The following NTM variants were observed in gnomAD, a reference collection of about 807,000 sequenced individuals.
NTM encodes neurotrimin, also known as IgLON family member 2.
In NTM, 13 loss-of-function variants were observed where a neutral mutation model predicts 42.1. The ratio of observed to expected loss-of-function variants is 0.31; its 90% CI spans 0.20 to 0.49. NTM has a LOEUF of 0.49. Ranked by LOEUF, NTM falls within the 20% of genes least tolerant of loss-of-function variation. The probability of loss-of-function intolerance (pLI) is 0.99; values close to 1 mark genes in which losing one functional copy is unlikely to be tolerated. For synonymous variants in NTM, 187 were observed against 179.2 expected (o/e 1.04, Z -0.35); for missense variants, 373 against 452.8 (o/e 0.82, Z 1.60).
intron 1 of NTM, among the ~76,000 whole-genome samples, chr11:131,515,269 C>A (rs990311753): frequency 2.0e-5 from 3 of 152,066 alleles, no homozygotes; most frequent in Non-Finnish European, 2.9e-5. Context: ...TTGGCCTCAC[C>A]CACAGTGTTT....
chr11:132,081,588 C>T lies in NTM; in HGVS notation c.168-64694C>T, dbSNP rs947891608. On this transcript the variant is annotated intron_variant, in intron 2 of 8. Transcript: ENST00000683400. Reference sequence around the variant, plus strand: ...TCTACTAAAAATACAAAAAATTAGCCGGACGTGGTGGCGGGCACCTGTAGT... The same window carrying T: ...TCTACTAAAAATACAAAAAATTAGCTGGACGTGGTGGCGGGCACCTGTAGT... Among the ~76,000 whole-genome samples the T allele has an allele frequency of 1.4e-4, 22 of 151,972 alleles. 1 individual carries two copies. The highest frequency in any genetic ancestry group is 8.3e-4 in the South Asian group (4 of 4,810).
At chr11:132,176,581 A>G (rs1186190880) in intron 3 of NTM, among the ~76,000 whole-genome samples, 1 of 152,080 alleles carries the variant, frequency 6.6e-6, no homozygotes, top group Non-Finnish European at 1.5e-5. Flanking sequence ...TTTTCTGTAC[A>G]TTTCTCAATA....
chr11:131,868,202 G>GA, intron 1 of NTM, among the ~76,000 whole-genome samples: 1 of 152,096 alleles, frequency 6.6e-6, no homozygotes, highest in Non-Finnish European at 1.5e-5. Flanking sequence ...TTACAGATGA[G>GA]AAAAAAAGGA....
chr11:132,137,747 A>G (rs2068225970), intron 2 of NTM, among the ~76,000 whole-genome samples: 1 of 152,098 alleles, frequency 6.6e-6, no homozygotes, highest in South Asian at 2.1e-4. Context: ...GGAGGGATAT[A>G]GACAGCTGGT....
intron 1 of NTM, among the ~76,000 whole-genome samples, chr11:131,465,223 G>A (rs910676124): frequency 6.6e-6 from 1 of 152,206 alleles, no homozygotes; most frequent in African/African-American, 2.4e-5. Flanking sequence ...GTGGCGAGGT[G>A]GAGCTGCTTA....
chr11:132,254,997 A>G (rs1240913830), intron 4 of NTM, among the ~76,000 whole-genome samples: 3 of 152,326 alleles, frequency 2.0e-5, no homozygotes, highest in Non-Finnish European at 4.4e-5. Context: ...TTCCCCTGGG[A>G]GGCAACATCT....
chr11:131,844,752 T>C (rs2044708216), intron 1 of NTM, among the ~76,000 whole-genome samples: 1 of 152,204 alleles, frequency 6.6e-6, no homozygotes, highest in Non-Finnish European at 1.5e-5. Flanking sequence ...CTCTTTTAAT[T>C]AATCTTTGTT....
At chr11:132,294,078 A>G (rs1401051473) in intron 4 of NTM, among the ~76,000 whole-genome samples, 1 of 152,176 alleles carries the variant, frequency 6.6e-6, no homozygotes, top group Admixed American at 6.5e-5. Flanking sequence ...CAGGCATCAT[A>G]GGAAAGCATG....
chr11:131,780,437 A>C lies in NTM; in HGVS notation c.83-131127A>C, dbSNP rs755337136. 2.6e-5 allele frequency among the ~76,000 whole-genome samples: 4 copies of C among 152,086 alleles called. No homozygotes were observed. The East Asian group carries it at 7.8e-4, about 30-fold the overall frequency. ...CAAATGTAGGAGTTTTATTTTGGAC[A>C]TGTGGAGTTTGAGATGCCTGTAGGA... is the stretch of plus-strand genomic sequence containing the variant. On this transcript the variant is annotated intron_variant, in intron 1 of 8. Transcript: ENST00000683400.
At chr11:132,285,358 T>C (rs2094186484) in intron 4 of NTM, among the ~76,000 whole-genome samples, 2 of 152,182 alleles carry the variant, frequency 1.3e-5, no homozygotes, top group South Asian at 2.1e-4. Flanking sequence ...CTCTCTCTTC[T>C]CACCTTTTTG....
intron 1 of NTM, among the ~76,000 whole-genome samples, chr11:131,462,870 C>T (rs937022997): frequency 1.1e-4 from 17 of 152,026 alleles, no homozygotes; most frequent in African/African-American, 3.9e-4. Flanking sequence ...TAGGGTGGTC[C>T]ACCATGGCTT....
chr11:131,733,720 G>C (rs543872030), intron 1 of NTM, among the ~76,000 whole-genome samples: 1 of 152,148 alleles, frequency 6.6e-6, no homozygotes, highest in African/African-American at 2.4e-5. Flanking sequence ...ATCTTTAGTA[G>C]AGATGGGGGG....
At chr11:132,173,905 C>A (rs1258714697) in intron 3 of NTM, among the ~76,000 whole-genome samples, 1 of 152,178 alleles carries the variant, frequency 6.6e-6, no homozygotes, top group Non-Finnish European at 1.5e-5. Context: ...CTGTCTCCAG[C>A]CTCCCACTTT....
intron 2 of NTM, among the ~76,000 whole-genome samples, chr11:132,070,686 C>T (rs1172673374): frequency 3.5e-5 from 5 of 143,042 alleles, no homozygotes; most frequent in Non-Finnish European, 7.7e-5. Context: ...CAAGTTAACA[C>T]GTCAAACTGA....
At chr11:131,907,327 C>CAGTG (rs1446249480) in intron 1 of NTM, among the ~76,000 whole-genome samples, 1 of 152,234 alleles carries the variant, frequency 6.6e-6, no homozygotes, top group Non-Finnish European at 1.5e-5. Flanking sequence ...AGCCCTGCTT[C>CAGTG]AGTGTACAGA....
chr11:131,834,726 A>T (rs536355328), intron 1 of NTM, among the ~76,000 whole-genome samples: 1 of 151,442 alleles, frequency 6.6e-6, no homozygotes, highest in Non-Finnish European at 1.5e-5. Flanking sequence ...GCACAGAGGG[A>T]TTATGTCACT....
intron 1 of NTM, among the ~76,000 whole-genome samples, chr11:131,808,045 G>A (rs933917187): frequency 2.6e-5 from 4 of 152,180 alleles, no homozygotes; most frequent in Admixed American, 6.5e-5. Flanking sequence ...AAGGTTCAGC[G>A]GTAATGATTC....
intron 1 of NTM, among the ~76,000 whole-genome samples, chr11:131,665,035 G>C (rs1439257035): frequency 6.6e-6 from 1 of 152,120 alleles, no homozygotes; most frequent in Non-Finnish European, 1.5e-5. Flanking sequence ...TACCCACCAA[G>C]CCTTAGGGAG....
chr11:131,423,001 G>T (rs1166705857), intron 1 of NTM, among the ~76,000 whole-genome samples: 3 of 152,192 alleles, frequency 2.0e-5, no homozygotes, highest in African/African-American at 4.8e-5. Context: ...GCCAGGAATT[G>T]TATTAGATGC....
Sources: allele counts gnomAD v4.1 joint callset (sites outside exome capture counted in the v4.1 genomes callset), GRCh38; gene constraint gnomAD v4.1.1; transcripts MANE v1.5; gene names NCBI Gene and HGNC (gene_info 2026-07-23, HGNC 2026-07-21).